Variants in TMEM131L observed in about 807,000 individuals in gnomAD.
TMEM131L encodes transmembrane protein 131-like.
TMEM131L carries 54 observed loss-of-function variants against 192.2 expected under a neutral mutation model. The observed-to-expected ratio is 0.28, with a 90% CI of 0.23 to 0.35. TMEM131L has a LOEUF of 0.35. Among genes scored for constraint, TMEM131L ranks in the 10% least tolerant of loss-of-function variants. The pLI is 1.00. For missense variants in TMEM131L, 1,888 were observed against 1,972.9 expected, an observed-to-expected ratio of 0.96 and a Z score of 0.82; for synonymous variants, 701 against 704.9, an observed-to-expected ratio of 0.99 and a Z score of 0.09.
At chr4:153,544,236 A>G (rs1737004318) in intron 3 of TMEM131L, among the ~76,000 whole-genome samples, 1 of 152,214 alleles carries the variant, frequency 6.6e-6, no homozygotes, top group African/African-American at 2.4e-5. Flanking sequence ...TCAGTCCTCG[A>G]TGTAGGTGCT....
At chr4:153,470,943 C>T (rs1731112438) in intron 2 of TMEM131L, among the ~76,000 whole-genome samples, 1 of 152,060 alleles carries the variant, frequency 6.6e-6, no homozygotes, top group Non-Finnish European at 1.5e-5. Flanking sequence ...GTCATCGTTT[C>T]TCCCTCTTTG....
intron 21 of TMEM131L, among the ~76,000 whole-genome samples, chr4:153,601,310 T>C (rs538261338): frequency 1.3e-3 from 202 of 152,232 alleles, no homozygotes; most frequent in African/African-American, 4.5e-3. Flanking sequence ...GGTTGGAGGA[T>C]TGCTTGAGCC....
At chr4:153,568,936 G>A (rs972801855) in intron 7 of TMEM131L, among the ~76,000 whole-genome samples, 3 of 152,174 alleles carry the variant, frequency 2.0e-5, no homozygotes, top group Non-Finnish European at 4.4e-5. Flanking sequence ...TTCTCCCCTA[G>A]GGTAGACTTT....
chr4:153,625,193 C>T (rs1002025352), intron 29 of TMEM131L, among the ~76,000 whole-genome samples: 1 of 152,168 alleles, frequency 6.6e-6, no homozygotes, highest in Non-Finnish European at 1.5e-5. Flanking sequence ...AGACAGATCA[C>T]TTGAGGTCAG....
In TMEM131L at chr4:153,555,357, A is replaced by G. The variant is rs760170195; in HGVS notation, c.309-430A>G. Among the ~76,000 whole-genome samples, 7 of 152,194 alleles carry G rather than the reference A, an allele frequency of 4.6e-5. No homozygotes were observed. The highest frequency in any genetic ancestry group is 8.8e-5 in the Non-Finnish European group (6 of 68,016). On this transcript the variant is annotated intron_variant, in intron 4 of 34. Coordinates refer to ENST00000409959, the MANE Select transcript of TMEM131L (RefSeq NM_001131007.2). The surrounding 1 kb of genome is among the most constrained non-coding windows in gnomAD (Gnocchi z 4.1). The stretch of plus-strand genomic sequence containing the variant: ...CCTAAACATATTTTCGTTTGTTTCA[A>G]TATTTTCGAATGAATATTTCAGTGA...
At chr4:153,548,549 C>T (rs139032710) in intron 3 of TMEM131L, among the ~76,000 whole-genome samples, 3,670 of 152,242 alleles carry the variant, frequency 0.024, 142 homozygotes, top group African/African-American at 0.082. Flanking sequence ...GTGATCTGTC[C>T]GCCTCAGCCT....
chr4:153,469,302 A>T (rs1295413479), intron 2 of TMEM131L, among the ~76,000 whole-genome samples: 2 of 105,274 alleles, frequency 1.9e-5, no homozygotes, highest in African/African-American at 1.4e-4. Flanking sequence ...ACCTGGGCCC[A>T]AGGGTAAGGG....
At position 153,586,283 on chromosome 4, in the gene TMEM131L, A is replaced by G. The variant is rs112377774; in HGVS notation, c.1386A>G (p.Lys462=). 6.2e-7 allele frequency: 1 copy of G among 1,604,996 alleles called. No homozygotes were observed. The highest frequency in any genetic ancestry group is 8.5e-7 in the Non-Finnish European group (1 of 1,176,744). ...WNIFSLKLAV[K]DIAINLFTNV... The stretch of plus-strand genomic sequence containing the variant: ...TATTTTCTTTGAAACTTGCTGTTAA[A>G]GACATTGCCATAAATCTATTCACCA... The change falls in exon 14 of 35, where the codon AAA becomes AAG. Residue 462 remains lysine (K), a synonymous_variant. Coordinates refer to ENST00000409959, the MANE Select transcript of TMEM131L (RefSeq NM_001131007.2).
At chr4:153,627,238 C>T (rs1733909694) in intron 30 of TMEM131L, among the ~76,000 whole-genome samples, 3 of 152,108 alleles carry the variant, frequency 2.0e-5, no homozygotes, top group African/African-American at 7.2e-5. Context: ...CACGCATCTC[C>T]CTTCTGTACT....
intron 3 of TMEM131L, among the ~76,000 whole-genome samples, chr4:153,522,468 A>ACGT (rs756560749): frequency 1.3e-5 from 2 of 151,984 alleles, no homozygotes; most frequent in East Asian, 3.9e-4. Flanking sequence ...GGGCAGAGGG[A>ACGT]CCGCCCTCTG....
rs183016434 is a variant in TMEM131L, at chr4:153,588,715, C to T, written c.1553-175C>T. 1.0e-3 allele frequency among the ~76,000 whole-genome samples: 158 copies of T among 152,174 alleles called. 1 individual carries two copies. Among genetic ancestry groups the T allele is most frequent in the Middle Eastern group, 3.4e-3 (1 of 294 alleles). ...ATGACATGTTTGTTTAATTTGATAT[C>T]ATTTGCCATTGAGTTAGAGGGACTT... On this transcript the variant is annotated intron_variant, in intron 15 of 34. Coordinates refer to ENST00000409959, the MANE Select transcript of TMEM131L (RefSeq NM_001131007.2).
chr4:153,535,909 G>A (rs1054260806), intron 3 of TMEM131L, among the ~76,000 whole-genome samples: 2 of 151,848 alleles, frequency 1.3e-5, no homozygotes, highest in East Asian at 1.9e-4. Flanking sequence ...TACTTGTCAC[G>A]GCAACGGCAG....
intron 3 of TMEM131L, among the ~76,000 whole-genome samples, chr4:153,518,031 T>TG (rs1734855380): frequency 6.6e-6 from 1 of 150,704 alleles, no homozygotes; most frequent in Non-Finnish European, 1.5e-5. Context: ...TATAATGGGG[T>TG]GAAAAAAAAA....
rs553905051 is a variant in TMEM131L at position 153,523,493 on chromosome 4, A to T, written c.240-26580A>T. ...GCACTACATTGTTTAGGAGGAAACT[A>T]AATCTGTGGCATAAGTCTGAAGGTA... On this transcript the variant is annotated intron_variant, in intron 3 of 34. Transcript: ENST00000409959. Among the ~76,000 whole-genome samples, 6 of 152,340 alleles carry T rather than the reference A, an allele frequency of 3.9e-5. No homozygotes were observed. The South Asian group carries it at 1.2e-3, about 32-fold the overall frequency.
At chr4:153,574,129 G>A (rs1729775502) in intron 7 of TMEM131L, among the ~76,000 whole-genome samples, 1 of 152,162 alleles carries the variant, frequency 6.6e-6, no homozygotes. Flanking sequence ...TAAGCACTTG[G>A]CCACACTGCC....
At position 153,557,686 on chromosome 4, in the gene TMEM131L, T is replaced by C. The variant is rs193261639; in HGVS notation, c.550-572T>C. ...CCAAGATCAGTAATTTTTGTGGTTA[T>C]TTCTTACTGGATTCCATTAAAGAGG... On this transcript the variant is annotated intron_variant, in intron 6 of 34. Coordinates refer to ENST00000409959, the MANE Select transcript of TMEM131L (RefSeq NM_001131007.2). 4.0e-4 allele frequency among the ~76,000 whole-genome samples: 61 copies of C among 152,364 alleles called. 1 individual carries two copies. The South Asian group carries it at 4.6e-3, about 11-fold the overall frequency.
At chr4:153,467,822 A>G (rs1730870385) in intron 2 of TMEM131L, among the ~76,000 whole-genome samples, 1 of 152,142 alleles carries the variant, frequency 6.6e-6, no homozygotes, top group African/African-American at 2.4e-5. Flanking sequence ...TGATATGATG[A>G]TTGCGTGTAG....
At chr4:153,584,476 A>G (rs1302837628) in intron 11 of TMEM131L, among the ~76,000 whole-genome samples, 1 of 152,202 alleles carries the variant, frequency 6.6e-6, no homozygotes, top group Non-Finnish European at 1.5e-5. Flanking sequence ...ATTTTGATCA[A>G]TCAGCACTGC....
intron 23 of TMEM131L, 86 bp from the exon 24 acceptor site, chr4:153,603,217 C>A: frequency 8.7e-7 from 1 of 1,155,030 alleles, no homozygotes; most frequent in Non-Finnish European, 1.2e-6. Context: ...TTTCGTAAAT[C>A]ATTCCCCACT....
Sources: allele counts gnomAD v4.1 joint callset (sites outside exome capture counted in the v4.1 genomes callset), GRCh38; gene constraint gnomAD v4.1.1; non-coding constraint Gnocchi (gnomAD v3.1); transcripts MANE v1.5; gene names NCBI Gene and HGNC (gene_info 2026-07-23, HGNC 2026-07-21).